Variants in MYH11 observed in about 807,000 individuals in gnomAD.
MYH11 encodes myosin heavy chain 11.
MYH11 carries 80 observed loss-of-function variants against 246.6 expected under a neutral mutation model. That is an observed-to-expected ratio of 0.32 (90% CI 0.27 to 0.39). MYH11 has a LOEUF of 0.39. Among genes scored for constraint, MYH11 ranks in the 10% least tolerant of loss-of-function variants. The probability of loss-of-function intolerance (pLI) is 1.00; values close to 1 mark genes in which losing one functional copy is unlikely to be tolerated. For missense variants in MYH11, 2,158 were observed against 2,546.8 expected, an observed-to-expected ratio of 0.85 and a Z score of 3.29; for synonymous variants, 1,071 against 1,015.5, an observed-to-expected ratio of 1.05 and a Z score of -1.04.
intron 10 of MYH11, 55 bp downstream of exon 10, chr16:15,763,741 T>TCGG: frequency 3.1e-6 from 2 of 646,858 alleles, no homozygotes; most frequent in Non-Finnish European, 5.8e-6. Flanking sequence ...AAATGTCACC[T>TCGG]CCCCCACCCC....
Position 15,717,157 on chromosome 16 carries a change from C to G in MYH11, c.5487G>C (p.Gln1829His). The G allele has an allele frequency of 1.2e-6, 2 of 1,614,220 alleles. No homozygotes were observed. Among genetic ancestry groups the G allele is most frequent in the Non-Finnish European group, 1.7e-6 (2 of 1,180,042 alleles). The change falls in exon 38 of 41, where the codon CAG becomes CAC. Residue 1829 changes from glutamine to histidine, a missense_variant. Coordinates refer to ENST00000300036, the MANE Select transcript of MYH11 (RefSeq NM_002474.3). Reference protein sequence around the residue: ...LEAKIAQLEEQVEQEAREKQA... With the variant: ...LEAKIAQLEEHVEQEAREKQA... Reference sequence around the variant, plus strand: ...CCGCATACCTGGCCTCCTGCTCGACCTGCTCCTCCAGCTGTGCAATCTTGG... The same window carrying G: ...CCGCATACCTGGCCTCCTGCTCGACGTGCTCCTCCAGCTGTGCAATCTTGG...
Position 15,738,679 on chromosome 16 carries a change from G to A in MYH11, c.3007C>T (p.Leu1003Phe). The part of the protein sequence containing the change: ...QNNKLSKERK[L>F]LEERISDLTT... ...AAGTCACTAATCCTCTCCTCAAGGA[G>A]TTTTCGTTCCTTTTTGGGGAAAGAG... Residue 1003 changes from leucine to phenylalanine, a missense_variant, in exon 24 of 41, where the codon CTC becomes TTC. This residue lies in a region of MYH11 where 284 missense variants were observed against 315.4 expected (regional missense o/e 0.90). Transcript: ENST00000300036. 6.2e-7 allele frequency: 1 copy of A among 1,613,832 alleles called. No individual in the cohort carries two copies. The highest frequency in any genetic ancestry group is 8.5e-7 in the Non-Finnish European group (1 of 1,179,854).
intron 14 of MYH11, among the ~76,000 whole-genome samples, chr16:15,754,424 C>T (rs2151270439): frequency 6.6e-6 from 1 of 152,158 alleles, no homozygotes; most frequent in East Asian, 1.9e-4. Flanking sequence ...GATAATACAG[C>T]TTTGCTGGGT....
intron 14 of MYH11, among the ~76,000 whole-genome samples, chr16:15,754,900 G>A (rs2041670999): frequency 1.3e-5 from 2 of 152,142 alleles, no homozygotes; most frequent in South Asian, 4.1e-4. Context: ...TGGCCAGGCT[G>A]GTCTCAAACT....
At chr16:15,840,345 T>C (rs2044022152) in intron 1 of MYH11, among the ~76,000 whole-genome samples, 1 of 152,184 alleles carries the variant, frequency 6.6e-6, no homozygotes, top group African/African-American at 2.4e-5. Context: ...ATATAGGAAG[T>C]AGCAAAATAA....
At chr16:15,842,766 A>G (rs926832856) in intron 1 of MYH11, among the ~76,000 whole-genome samples, 1 of 132,048 alleles carries the variant, frequency 7.6e-6, no homozygotes, top group Admixed American at 7.1e-5. Flanking sequence ...TTCATCCAAA[A>G]AAAAAAAAAA....
In MYH11 at chr16:15,753,698, G is replaced by C. The variant is rs567730781; in HGVS notation, c.1750-190C>G. Among the ~76,000 whole-genome samples the C allele has an allele frequency of 4.6e-5, 7 of 152,238 alleles. No individual in the cohort carries two copies. The East Asian group carries it at 1.4e-3, about 29-fold the overall frequency. ...CAACAGCCCAGGGACCTGTGCCCAC[G>C]TAGTAGGACATCAGCCAGTGATAGC... On this transcript the variant is annotated intron_variant, in intron 14 of 40. Coordinates refer to ENST00000300036, the MANE Select transcript of MYH11 (RefSeq NM_002474.3).
chr16:15,778,707 T>C (rs1205867669), intron 7 of MYH11, 73 bp downstream of exon 7: 1 of 1,440,902 alleles, frequency 6.9e-7, no homozygotes, highest in Non-Finnish European at 9.8e-7. Flanking sequence ...GCTCTTGGAC[T>C]CTCCCAGCCT....
Position 15,718,497 on chromosome 16 carries a change from C to T in MYH11, c.5172-59G>A, listed in dbSNP as rs75982287. The T allele has an allele frequency of 2.9e-4, 452 of 1,534,208 alleles. 1 individual carries two copies. In the African/African-American group the frequency reaches 5.5e-3, roughly 19 times the overall value. On this transcript the variant is annotated intron_variant, in intron 36 of 40. Transcript: ENST00000300036. Reference sequence around the variant, plus strand: ...CCCTCCCCCGCCTTAAAAGATGCCCCCTCCTTGGAGTCATGCCTCAGGGGT... The same window carrying T: ...CCCTCCCCCGCCTTAAAAGATGCCCTCTCCTTGGAGTCATGCCTCAGGGGT...
chr16:15,735,328 G>A, intron 26 of MYH11, 38 bp downstream of exon 26: 1 of 1,593,340 alleles, frequency 6.3e-7, no homozygotes, highest in Non-Finnish European at 8.6e-7. Flanking sequence ...CATTGGTGCA[G>A]TGGGATAGCA....
intron 4 of MYH11, chr16:15,791,749 C>T (rs2042615692): frequency 1.3e-5 from 2 of 149,902 alleles, no homozygotes. Context: ...TCATAGCTCA[C>T]TGCAGCTGAG....
At chr16:15,763,219 C>T (rs2041907094) in intron 10 of MYH11, among the ~76,000 whole-genome samples, 2 of 152,154 alleles carry the variant, frequency 1.3e-5, no homozygotes. Flanking sequence ...CCCTAATTCT[C>T]AGGGCAATTG....
At chr16:15,778,701 T>C (rs760412499) in intron 7 of MYH11, 79 bp downstream of exon 7, 112 of 1,392,424 alleles carry the variant, frequency 8.0e-5, no homozygotes, top group Non-Finnish European at 1.5e-5. Context: ...GAGGTGGCTC[T>C]TGGACTCTCC....
chr16:15,779,898 T>G (rs1255430158), intron 6 of MYH11, among the ~76,000 whole-genome samples: 2 of 152,202 alleles, frequency 1.3e-5, no homozygotes, highest in Non-Finnish European at 2.9e-5. Context: ...CATAACATGG[T>G]GGGAAGTGTT....
At position 15,756,499 on chromosome 16, in the gene MYH11, C is replaced by A; in HGVS notation, c.1591G>T (p.Val531Leu). The change falls in exon 14 of 41, where the codon GTG (valine) becomes TTG (leucine). Residue 531 changes from valine (V) to leucine (L), a missense_variant. Transcript: ENST00000300036. ...CATTCCTCGTCCAGCAGGGCCAGCA[C>A]ACCTGGAGGGTTGTTCTGTGGGAGA... is the stretch of plus-strand genomic sequence containing the variant. The part of the protein sequence containing the change: ...LIERPNNPPG[V>L]LALLDEECWF... The A allele has an allele frequency of 6.2e-7, 1 of 1,614,212 alleles. No individual in the cohort carries two copies. Among genetic ancestry groups the A allele is most frequent in the Non-Finnish European group, 8.5e-7 (1 of 1,180,046 alleles).
chr16:15,806,701 A>G (rs1371916337), intron 3 of MYH11, among the ~76,000 whole-genome samples: 1 of 152,094 alleles, frequency 6.6e-6, no homozygotes, highest in Non-Finnish European at 1.5e-5. Context: ...ATGCAGCTCT[A>G]TTAGGTTTCC....
chr16:15,821,579 T>A (rs567768897), intron 3 of MYH11, among the ~76,000 whole-genome samples: 1 of 152,180 alleles, frequency 6.6e-6, no homozygotes, highest in Non-Finnish European at 1.5e-5. Context: ...TCTTTCTTTT[T>A]GGTATTTAGA....
At chr16:15,723,514 G>T (rs1346719548) in intron 31 of MYH11, among the ~76,000 whole-genome samples, 1 of 152,106 alleles carries the variant, frequency 6.6e-6, no homozygotes. Context: ...AGACATAGTG[G>T]TGTGCTCCTA....
chr16:15,754,929 AC>A (rs2041671790), intron 14 of MYH11, among the ~76,000 whole-genome samples: 2 of 152,172 alleles, frequency 1.3e-5, no homozygotes, highest in South Asian at 4.1e-4. Context: ...CAAGTAATCC[AC>A]CTGCCTTGGT....
Sources: gnomAD v4.1 joint callset for allele counts (sites outside exome capture counted in the v4.1 genomes callset) on GRCh38, gnomAD v4.1.1 for gene constraint, gnomAD v4.1.1 regional missense constraint, MANE v1.5 for transcripts, NCBI Gene and HGNC (gene_info 2026-07-23, HGNC 2026-07-21) for gene names.